ADGRL2: variants seen among roughly 807,000 people sequenced by gnomAD.
ADGRL2 encodes the protein calcium-independent alpha-latrotoxin receptor 2.
In ADGRL2, 44 loss-of-function variants were observed where a neutral mutation model predicts 157.4. That is an observed-to-expected ratio of 0.28 (90% CI 0.22 to 0.36). The LOEUF (loss-of-function observed/expected upper bound fraction) is 0.36, where lower values mean the gene tolerates loss of function less well. ADGRL2 is among the 10% of genes least tolerant of loss of function. The probability of loss-of-function intolerance (pLI) is 1.00; values close to 1 mark genes in which losing one functional copy is unlikely to be tolerated. For synonymous variants in ADGRL2, 585 were observed against 624.7 expected, an observed-to-expected ratio of 0.94 and a Z score of 0.95; for missense variants, 1,510 against 1,768.9, an observed-to-expected ratio of 0.85 and a Z score of 2.63.
At chr1:81,620,235 A>G (rs1035211130) in intron 3 of ADGRL2, among the ~76,000 whole-genome samples, 3 of 152,214 alleles carry the variant, frequency 2.0e-5, no homozygotes, top group Admixed American at 1.3e-4. Context: ...ACATGGGTAC[A>G]GTAGGTACAT....
intron 2 of ADGRL2, among the ~76,000 whole-genome samples, chr1:81,571,865 T>C (rs1459416042): frequency 1.3e-5 from 2 of 152,206 alleles, no homozygotes; most frequent in Non-Finnish European, 2.9e-5. Flanking sequence ...ACATATTTGT[T>C]GAATGAATTT....
At chr1:81,333,315 A>C (rs967052927) in intron 1 of ADGRL2, among the ~76,000 whole-genome samples, 3 of 152,150 alleles carry the variant, frequency 2.0e-5, no homozygotes, top group Non-Finnish European at 4.4e-5. Context: ...CTTTTATGGT[A>C]CCTTATTAGA....
intron 2 of ADGRL2, among the ~76,000 whole-genome samples, chr1:81,854,881 G>T (rs1482274168): frequency 6.6e-6 from 1 of 151,998 alleles, no homozygotes. Context: ...GGTGACAAAA[G>T]ATAGCTCTGG....
intron 2 of ADGRL2, among the ~76,000 whole-genome samples, chr1:81,518,318 C>T (rs1002856210): frequency 1.3e-5 from 2 of 152,182 alleles, no homozygotes; most frequent in African/African-American, 4.8e-5. Context: ...TGTCTGATCA[C>T]ATGCAAAACT....
intron 2 of ADGRL2, among the ~76,000 whole-genome samples, chr1:81,857,165 A>C (rs1000151108): frequency 6.6e-6 from 1 of 152,188 alleles, no homozygotes; most frequent in Non-Finnish European, 1.5e-5. Context: ...TAGGTGACTT[A>C]GGCAGGGTTA....
chr1:81,888,134 C>G (rs1025104400), intron 2 of ADGRL2, among the ~76,000 whole-genome samples: 3 of 152,060 alleles, frequency 2.0e-5, no homozygotes, highest in African/African-American at 4.8e-5. Context: ...TTGTTGAACT[C>G]AAGTAGAGAA....
intron 3 of ADGRL2, among the ~76,000 whole-genome samples, chr1:81,684,317 A>C (rs963289403): frequency 6.6e-6 from 1 of 152,094 alleles, no homozygotes; most frequent in Non-Finnish European, 1.5e-5. Context: ...TTTTTTTATT[A>C]TGGCCATTCT....
chr1:81,869,164 C>T (rs1248723259), intron 2 of ADGRL2, among the ~76,000 whole-genome samples: 1 of 152,090 alleles, frequency 6.6e-6, no homozygotes, highest in Admixed American at 6.6e-5. Context: ...GTGTTGTTGA[C>T]TGAGATAGAA....
chr1:81,443,698 C>T (rs1196776311), intron 1 of ADGRL2, among the ~76,000 whole-genome samples: 1 of 152,188 alleles, frequency 6.6e-6, no homozygotes, highest in Non-Finnish European at 1.5e-5. Context: ...AAGTTGGCTT[C>T]ACCATCTCAC....
intron 3 of ADGRL2, among the ~76,000 whole-genome samples, chr1:81,926,075 C>T (rs2095099403): frequency 6.6e-6 from 1 of 151,790 alleles, no homozygotes; most frequent in Admixed American, 6.6e-5. Flanking sequence ...AATTAACAGA[C>T]CAGAAAAGCC....
chr1:81,370,573 T>A (rs1424759486), intron 1 of ADGRL2, among the ~76,000 whole-genome samples: 2 of 152,196 alleles, frequency 1.3e-5, no homozygotes, highest in Non-Finnish European at 2.9e-5. Flanking sequence ...ATAGGCATCC[T>A]AAAAATACTT....
At chr1:81,879,014 T>G (rs2093916179) in intron 2 of ADGRL2, among the ~76,000 whole-genome samples, 1 of 152,214 alleles carries the variant, frequency 6.6e-6, no homozygotes, top group Non-Finnish European at 1.5e-5. Flanking sequence ...AACAAATATG[T>G]TAGCCTAGCA....
chr1:81,482,674 A>C (rs891285011), intron 2 of ADGRL2, among the ~76,000 whole-genome samples: 49 of 152,248 alleles, frequency 3.2e-4, no homozygotes, highest in Middle Eastern at 3.4e-3. Context: ...GCAGCATAAA[A>C]ACATCTTTAT....
At chr1:81,703,112 G>A (rs904028910) in intron 1 of ADGRL2, among the ~76,000 whole-genome samples, 1 of 152,156 alleles carries the variant, frequency 6.6e-6, no homozygotes, top group African/African-American at 2.4e-5. Context: ...CAATGATTAG[G>A]TCAACAAAAA....
chr1:81,425,696 T>C (rs2077200094), intron 1 of ADGRL2, among the ~76,000 whole-genome samples: 1 of 152,162 alleles, frequency 6.6e-6, no homozygotes, highest in African/African-American at 2.4e-5. Context: ...ATCCTTACTT[T>C]TTTGCCGGCT....
intron 10 of ADGRL2, among the ~76,000 whole-genome samples, chr1:81,954,268 T>C (rs1652768811): frequency 6.6e-6 from 1 of 152,058 alleles, no homozygotes; most frequent in Non-Finnish European, 1.5e-5. Flanking sequence ...ACTAGGCTAA[T>C]GATCATTTTG....
At chr1:81,563,523 A>G (rs2080491626) in intron 2 of ADGRL2, among the ~76,000 whole-genome samples, 1 of 151,930 alleles carries the variant, frequency 6.6e-6, no homozygotes, top group Non-Finnish European at 1.5e-5. Flanking sequence ...TTGTCTTATT[A>G]ATATGGCCTG....
chr1:81,529,196 G>T (rs2079543490), intron 2 of ADGRL2, among the ~76,000 whole-genome samples: 1 of 152,184 alleles, frequency 6.6e-6, no homozygotes, highest in African/African-American at 2.4e-5. Context: ...GGAAGTAGGA[G>T]CTGTGACCCC....
At chr1:81,707,816 G>A (rs72718852) in intron 1 of ADGRL2, among the ~76,000 whole-genome samples, 3,252 of 152,172 alleles carry the variant, frequency 0.021, 44 homozygotes, top group South Asian at 0.051. Context: ...TCAACTACAT[G>A]CAGATACCCC....
Sources: allele counts gnomAD v4.1 joint callset (sites outside exome capture counted in the v4.1 genomes callset), GRCh38; gene constraint gnomAD v4.1.1; transcripts MANE v1.5; gene names NCBI Gene and HGNC (gene_info 2026-07-23, HGNC 2026-07-21).